MAML2: variants seen among roughly 807,000 people sequenced by gnomAD.
MAML2 encodes mastermind like transcriptional coactivator 2.
Under a neutral mutation model 96.1 loss-of-function variants are expected in MAML2, and 22 were observed. The ratio of observed to expected loss-of-function variants is 0.23; its 90% CI spans 0.16 to 0.33. MAML2 has a LOEUF of 0.33. Ranked by LOEUF, MAML2 falls within the 10% of genes least tolerant of loss-of-function variation. The pLI is 1.00. For missense variants in MAML2, 1,367 were observed against 1,392.4 expected (o/e 0.98, Z 0.29); for synonymous variants, 561 against 521.3 (o/e 1.08, Z -1.04).
At chr11:96,028,624 A>T (rs1306359694) in intron 2 of MAML2, among the ~76,000 whole-genome samples, 1 of 152,264 alleles carries the variant, frequency 6.6e-6, no homozygotes, top group Non-Finnish European at 1.5e-5. Flanking sequence ...ATCTGTAGAA[A>T]GAATAAGTAT....
At chr11:96,059,160 G>A (rs1023315601) in intron 2 of MAML2, among the ~76,000 whole-genome samples, 1 of 152,168 alleles carries the variant, frequency 6.6e-6, no homozygotes, top group East Asian at 1.9e-4. Flanking sequence ...GGGTAAGTTA[G>A]TAAGAAGGTA....
intron 1 of MAML2, among the ~76,000 whole-genome samples, chr11:96,313,270 G>A (rs147467221): frequency 2.0e-5 from 3 of 152,252 alleles, no homozygotes; most frequent in East Asian, 1.9e-4. Context: ...CACAAATCCC[G>A]AGGCATCGGC....
In MAML2 at chr11:96,092,975, T is replaced by C; in HGVS notation, c.1056A>G (p.Thr352=). The C allele has an allele frequency of 6.2e-7, 1 of 1,613,872 alleles. No individual in the cohort carries two copies. The highest frequency in any genetic ancestry group is 1.3e-5 in the African/African-American group (1 of 75,056). ...IDLGQQSQRS[T]PRPSLPMEKI... Reference sequence around the variant, plus strand: ...TCTCCATGGGTAAGGAGGGCCTAGGTGTGCTCCTCTGGCTTTGCTGACCCA... The same window carrying C: ...TCTCCATGGGTAAGGAGGGCCTAGGCGTGCTCCTCTGGCTTTGCTGACCCA... Residue 352 remains threonine, a synonymous_variant, in exon 2 of 5, where the codon ACA becomes ACG. Coordinates refer to ENST00000524717, the MANE Select transcript of MAML2 (RefSeq NM_032427.4). The surrounding 1 kb of genome is among the most constrained non-coding windows in gnomAD (Gnocchi z 4.1).
At chr11:96,056,643 T>G (rs952590679) in intron 2 of MAML2, among the ~76,000 whole-genome samples, 2 of 152,208 alleles carry the variant, frequency 1.3e-5, no homozygotes, top group African/African-American at 4.8e-5. Flanking sequence ...GAATACTGAT[T>G]TACATGGAAG....
At chr11:96,007,326 T>C (rs1590958583) in intron 2 of MAML2, among the ~76,000 whole-genome samples, 1 of 152,058 alleles carries the variant, frequency 6.6e-6, no homozygotes, top group Admixed American at 6.5e-5. Context: ...CAATCATTTT[T>C]AAAGGCGTTT....
chr11:96,030,286 G>GT (rs1050662113), intron 2 of MAML2, among the ~76,000 whole-genome samples: 2 of 151,506 alleles, frequency 1.3e-5, no homozygotes, highest in East Asian at 1.9e-4. Flanking sequence ...TAATATCATT[G>GT]TTTTTTTAAA....
chr11:96,297,735 A>G (rs980680944), intron 1 of MAML2, among the ~76,000 whole-genome samples: 1 of 152,204 alleles, frequency 6.6e-6, no homozygotes, highest in East Asian at 1.9e-4. Context: ...AAAAATTGGC[A>G]AGATTTTGTC....
At chr11:96,169,243 C>T (rs1291419292) in intron 1 of MAML2, among the ~76,000 whole-genome samples, 3 of 152,222 alleles carry the variant, frequency 2.0e-5, no homozygotes, top group Non-Finnish European at 2.9e-5. Flanking sequence ...AGCAACACAA[C>T]TGGATTTTTT....
chr11:96,003,816 A>G (rs1858135411), intron 2 of MAML2, among the ~76,000 whole-genome samples: 1 of 152,190 alleles, frequency 6.6e-6, no homozygotes, highest in Non-Finnish European at 1.5e-5. Context: ...AACACAAGGC[A>G]TTAGATTAAA....
At chr11:95,991,436 G>A (rs1857909889) in intron 3 of MAML2, 84 bp downstream of exon 3, 1 of 1,245,620 alleles carries the variant, frequency 8.0e-7, no homozygotes, top group Non-Finnish European at 1.2e-6. Context: ...ACGTAAGTAG[G>A]CACAGTAAAT....
At chr11:96,070,613 T>A (rs1859330622) in intron 2 of MAML2, among the ~76,000 whole-genome samples, 1 of 152,236 alleles carries the variant, frequency 6.6e-6, no homozygotes, top group African/African-American at 2.4e-5. Flanking sequence ...CACTGGCGTG[T>A]CTGCCTGCAC....
intron 1 of MAML2, among the ~76,000 whole-genome samples, chr11:96,152,820 G>A (rs1475026861): frequency 6.6e-6 from 1 of 152,136 alleles, no homozygotes. Flanking sequence ...CAAACATGTC[G>A]GGGCATTCTA....
chr11:95,998,141 A>AGTCTGTCTGTCT (rs200511361), intron 2 of MAML2, among the ~76,000 whole-genome samples: 14,868 of 143,364 alleles, frequency 0.1, 880 homozygotes, highest in Non-Finnish European at 0.13. Context: ...TCTGTCTGTC[A>AGTCTGTCTGTCT]GTCTGTCTGT....
intron 1 of MAML2, among the ~76,000 whole-genome samples, chr11:96,295,786 AAAG>A (rs1442510602): frequency 2.0e-5 from 3 of 151,598 alleles, no homozygotes; most frequent in Non-Finnish European, 4.4e-5. Context: ...AATAAACAAT[AAAG>A]AAGTAGCTTC....
intron 1 of MAML2, among the ~76,000 whole-genome samples, chr11:96,099,077 T>G (rs1033200657): frequency 2.6e-5 from 4 of 152,094 alleles, no homozygotes; most frequent in African/African-American, 9.7e-5. Flanking sequence ...TCACCCCAGG[T>G]AGACTTCTGT....
chr11:96,077,771 C>T (rs370301508), intron 2 of MAML2, among the ~76,000 whole-genome samples: 17 of 152,224 alleles, frequency 1.1e-4, no homozygotes, highest in African/African-American at 2.6e-4. Context: ...GTGGCTGCAG[C>T]GGTGGTGGGC....
Position 96,274,675 on chromosome 11 carries a change from G to A in MAML2, c.513+66708C>T, listed in dbSNP as rs140854005. 9.2e-5 allele frequency among the ~76,000 whole-genome samples: 14 copies of A among 152,212 alleles called. No individual in the cohort carries two copies. The East Asian group carries it at 2.7e-3, about 29-fold the overall frequency. On this transcript the variant is annotated intron_variant, in intron 1 of 4. Coordinates refer to ENST00000524717, the MANE Select transcript of MAML2 (RefSeq NM_032427.4). Reference sequence around the variant, plus strand: ...ATGAAAAGGCTAGCAATGTGGAATTGCATTGGAAAAATAAAACATAAGTTG... The same window carrying A: ...ATGAAAAGGCTAGCAATGTGGAATTACATTGGAAAAATAAAACATAAGTTG...
At chr11:96,287,734 GT>G (rs1863159478) in intron 1 of MAML2, among the ~76,000 whole-genome samples, 1 of 152,120 alleles carries the variant, frequency 6.6e-6, no homozygotes, top group African/African-American at 2.4e-5. Context: ...ACCTTATTAA[GT>G]GAAAGAATCA....
intron 1 of MAML2, among the ~76,000 whole-genome samples, chr11:96,245,321 A>G (rs1591092992): frequency 1.3e-5 from 2 of 151,494 alleles, no homozygotes; most frequent in East Asian, 3.9e-4. Context: ...CACCCTAGAT[A>G]GGATATGAGA....
Sources: gnomAD v4.1 joint callset for allele counts (sites outside exome capture counted in the v4.1 genomes callset) on GRCh38, gnomAD v4.1.1 for gene constraint, Gnocchi (gnomAD v3.1) non-coding constraint, MANE v1.5 for transcripts, NCBI Gene and HGNC (gene_info 2026-07-23, HGNC 2026-07-21) for gene names.